The following CFAP47 variants were observed in gnomAD, a reference collection of about 807,000 sequenced individuals.
The protein encoded by CFAP47 is cilia- and flagella-associated protein 47.
CFAP47 carries 29 observed loss-of-function variants against 148.1 expected under a neutral mutation model. The observed-to-expected ratio is 0.20, with a 90% CI of 0.15 to 0.27. The LOEUF is 0.27. Ranked by LOEUF, CFAP47 falls within the 10% of genes least tolerant of loss-of-function variation. CFAP47 has a pLI of 1.00. For synonymous variants in CFAP47, 664 were observed against 577.3 expected, an observed-to-expected ratio of 1.15 and a Z score of -2.15; for missense variants, 1,872 against 1,697.5, an observed-to-expected ratio of 1.10 and a Z score of -1.81.
At chrX:36,383,842 T>A (rs1413273617) in intron 63 of CFAP47, among the ~76,000 whole-genome samples, 2 of 111,760 alleles carry the variant, frequency 1.8e-5, no homozygotes, top group African/African-American at 6.5e-5. Flanking sequence ...GTGGTGTAAA[T>A]CTTAATGTTA....
At chrX:35,982,815 A>G (rs1188349190) in intron 15 of CFAP47, among the ~76,000 whole-genome samples, 2 of 111,356 alleles carry the variant, frequency 1.8e-5, no homozygotes, top group Admixed American at 9.6e-5. Flanking sequence ...CCATTGGTCT[A>G]TGTATCTGTT....
chrX:36,230,012 G>C (rs1940323556), intron 46 of CFAP47, among the ~76,000 whole-genome samples: 1 of 108,998 alleles, frequency 9.2e-6, no homozygotes, highest in African/African-American at 3.4e-5. Context: ...GTCTATCATT[G>C]TTGGGCATTT....
At chrX:36,379,063 C>T (rs782230315) in intron 62 of CFAP47, among the ~76,000 whole-genome samples, 26 of 111,978 alleles carry the variant, frequency 2.3e-4, no homozygotes, top group African/African-American at 6.2e-4. Flanking sequence ...CCACCTGCCT[C>T]GGCCTCCCAA....
intron 39 of CFAP47, among the ~76,000 whole-genome samples, chrX:36,176,700 T>A (rs1165273624): frequency 9.0e-6 from 1 of 111,650 alleles, no homozygotes. Flanking sequence ...GGTCAGGAGT[T>A]CAAGACCAGC....
At chrX:36,202,911 A>G (rs1397234104) in intron 44 of CFAP47, among the ~76,000 whole-genome samples, 7 of 110,828 alleles carry the variant, frequency 6.3e-5, no homozygotes, top group Admixed American at 2.9e-4. Flanking sequence ...AAAAAGCTAT[A>G]AATGAGGTTT....
intron 39 of CFAP47, among the ~76,000 whole-genome samples, chrX:36,164,797 T>G (rs1424094668): frequency 8.9e-6 from 1 of 111,775 alleles, no homozygotes; most frequent in Admixed American, 9.5e-5. Context: ...TTGTTTGTTT[T>G]TTGGTAAAAA....
chrX:36,335,270 C>T (rs1201422739), intron 57 of CFAP47, among the ~76,000 whole-genome samples: 2 of 110,951 alleles, frequency 1.8e-5, no homozygotes, highest in South Asian at 3.8e-4. Context: ...TCTCACATCC[C>T]CCAATCAACC....
chrX:36,167,575 C>T (rs1315170432), intron 39 of CFAP47, among the ~76,000 whole-genome samples: 1 of 111,289 alleles, frequency 9.0e-6, no homozygotes, highest in East Asian at 2.8e-4. Context: ...AAGAGCTTCT[C>T]ACGGTCTCTC....
At chrX:36,153,947 A>G (rs182181191) in intron 37 of CFAP47, among the ~76,000 whole-genome samples, 2 of 112,069 alleles carry the variant, frequency 1.8e-5, no homozygotes, top group Non-Finnish European at 3.8e-5. Context: ...TTCTGGGCCT[A>G]TGATGGGAGA....
At chrX:36,130,562 T>A (rs2146823349) in intron 33 of CFAP47, among the ~76,000 whole-genome samples, 1 of 111,053 alleles carries the variant, frequency 9.0e-6, no homozygotes, top group African/African-American at 3.3e-5. Context: ...AATCCAGGAA[T>A]CCCACTGCTG....
chrX:35,954,124 A>C (rs1442463922), intron 7 of CFAP47, among the ~76,000 whole-genome samples: 1 of 111,555 alleles, frequency 9.0e-6, no homozygotes, highest in Non-Finnish European at 1.9e-5. Context: ...ACAGTAAAAA[A>C]CAAGATCTAG....
At chrX:36,287,924 T>C (rs1321815161) in intron 51 of CFAP47, among the ~76,000 whole-genome samples, 1 of 112,034 alleles carries the variant, frequency 8.9e-6, no homozygotes, top group Non-Finnish European at 1.9e-5. Context: ...TATACTAAAA[T>C]TGTGGTCCTC....
At chrX:35,994,310 A>G (rs971748971) in intron 18 of CFAP47, among the ~76,000 whole-genome samples, 19 of 112,088 alleles carry the variant, frequency 1.7e-4, no homozygotes, top group African/African-American at 6.1e-4. Flanking sequence ...GCACTTCTGT[A>G]AGTGATAAAT....
chrX:35,937,005 CA>C (rs1374601090), intron 2 of CFAP47, among the ~76,000 whole-genome samples: 1 of 108,345 alleles, frequency 9.2e-6, no homozygotes, highest in African/African-American at 3.4e-5. Flanking sequence ...AGATCTCTTG[CA>C]AGTCCCGCTT....
chrX:35,999,707 G>A (rs948552782), intron 19 of CFAP47, among the ~76,000 whole-genome samples: 4 of 111,995 alleles, frequency 3.6e-5, no homozygotes, highest in Non-Finnish European at 7.5e-5. Flanking sequence ...TTTCCTGATA[G>A]AAGGGGCACC....
At chrX:36,232,656 G>T (rs1481166231) in intron 46 of CFAP47, among the ~76,000 whole-genome samples, 2 of 111,261 alleles carry the variant, frequency 1.8e-5, no homozygotes, top group Non-Finnish European at 3.8e-5. Context: ...CCTTCTGCTA[G>T]CTTTTGAATG....
intron 40 of CFAP47, 52 bp downstream of exon 40, chrX:36,179,474 A>C (rs1426220854): frequency 3.4e-6 from 1 of 290,810 alleles, no homozygotes; most frequent in East Asian, 4.9e-5. Flanking sequence ...GTTTTGAGAA[A>C]TAAGTAGTCA....
chrX:36,314,385 G>A (rs1941416864), intron 56 of CFAP47, among the ~76,000 whole-genome samples: 1 of 111,528 alleles, frequency 9.0e-6, no homozygotes, highest in Non-Finnish European at 1.9e-5. Context: ...GCATAGCCAC[G>A]TGGTGTAAGA....
chrX:36,375,486 GTA>G (rs781893320), intron 62 of CFAP47, among the ~76,000 whole-genome samples: 1 of 111,851 alleles, frequency 8.9e-6, no homozygotes, highest in African/African-American at 3.3e-5. Flanking sequence ...CTTGAGAAGA[GTA>G]TATTCTACTG....
Sources: allele counts gnomAD v4.1 joint callset (sites outside exome capture counted in the v4.1 genomes callset), GRCh38; gene constraint gnomAD v4.1.1; transcripts MANE v1.5; gene names NCBI Gene and HGNC (gene_info 2026-07-23, HGNC 2026-07-21).